Variants in MAGI3 observed in about 807,000 individuals in gnomAD.
MAGI3 encodes membrane-associated guanylate kinase, WW and PDZ domain-containing protein 3.
A neutral mutation model predicts 121.8 loss-of-function variants in MAGI3; 43 were observed. That is an observed-to-expected ratio of 0.35 (90% CI 0.28 to 0.46). The LOEUF (loss-of-function observed/expected upper bound fraction) is 0.46, where lower values mean the gene tolerates loss of function less well. Among genes scored for constraint, MAGI3 ranks in the 20% least tolerant of loss-of-function variants. The pLI, the probability that MAGI3 is intolerant of heterozygous loss-of-function variation, is 1.00. For missense variants in MAGI3, 1,547 were observed against 1,797.3 expected, an observed-to-expected ratio of 0.86 and a Z score of 2.52; for synonymous variants, 553 against 639.3, an observed-to-expected ratio of 0.86 and a Z score of 2.04.
intron 6 of MAGI3, among the ~76,000 whole-genome samples, chr1:113,603,749 T>C (rs1168536444): frequency 6.6e-6 from 1 of 151,830 alleles, no homozygotes; most frequent in South Asian, 2.1e-4. Flanking sequence ...AGGACCAATA[T>C]CCAGAATCTA....
At chr1:113,621,301 T>C (rs1650803605) in intron 8 of MAGI3, among the ~76,000 whole-genome samples, 2 of 152,122 alleles carry the variant, frequency 1.3e-5, no homozygotes, top group Admixed American at 1.3e-4. Flanking sequence ...TAGGCAGCCA[T>C]GAGAAGAGGT....
At chr1:113,511,216 A>C (rs1657599120) in intron 1 of MAGI3, among the ~76,000 whole-genome samples, 1 of 152,208 alleles carries the variant, frequency 6.6e-6, no homozygotes, top group African/African-American at 2.4e-5. Flanking sequence ...CATTCTTCCA[A>C]AGTAGGACCT....
chr1:113,416,166 A>ATG (rs1157137777), intron 1 of MAGI3, among the ~76,000 whole-genome samples: 1,265 of 82,336 alleles, frequency 0.015, 1 homozygote, highest in South Asian at 0.025. Flanking sequence ...ACATATTATT[A>ATG]TGTAATTAAT....
intron 1 of MAGI3, among the ~76,000 whole-genome samples, chr1:113,425,564 G>A (rs1652964560): frequency 6.6e-6 from 1 of 151,970 alleles, no homozygotes; most frequent in African/African-American, 2.4e-5. Context: ...GATTACAGGT[G>A]TGAGCTACTG....
At chr1:113,672,519 C>A in intron 17 of MAGI3, 96 bp from the exon 18 acceptor site, 1 of 1,374,870 alleles carries the variant, frequency 7.3e-7, no homozygotes, top group Admixed American at 2.4e-5. Context: ...GGGAAAATGG[C>A]AAGGTCGAGC....
At chr1:113,557,747 G>A (rs561980353) in intron 2 of MAGI3, among the ~76,000 whole-genome samples, 11 of 152,136 alleles carry the variant, frequency 7.2e-5, no homozygotes, top group African/African-American at 2.2e-4. Context: ...GATGCCATTC[G>A]TCCTGACTGG....
chr1:113,416,103 G>C (rs374127306), intron 1 of MAGI3, among the ~76,000 whole-genome samples: 3,431 of 103,688 alleles, frequency 0.033, 160 homozygotes, highest in East Asian at 0.3. Context: ...TGTAATTAAT[G>C]ACACATATTA....
intron 6 of MAGI3, 52 bp downstream of exon 6, chr1:113,594,612 G>T (rs908849098): frequency 1.4e-6 from 2 of 1,463,154 alleles, no homozygotes; most frequent in African/African-American, 1.4e-5. Flanking sequence ...ATCCTTTCTT[G>T]CTCTTCTTGC....
Position 113,684,081 on chromosome 1 carries a change from G to A in MAGI3, c.*67G>A. ...TTACAGCAGCATTTTTCCAGAAAAA[G>A]CCTTTTTTTTTTTTTCAGATATTCT... On this transcript the variant is annotated 3_prime_UTR_variant, in exon 21 of 21. Coordinates refer to ENST00000307546, the MANE Select transcript of MAGI3 (RefSeq NM_001142782.2). The A allele has an allele frequency of 7.4e-7, 1 of 1,353,982 alleles. No homozygotes were observed. The highest frequency in any genetic ancestry group is 1.7e-5 in the South Asian group (1 of 58,712). The allele number at this position is 1,353,982 out of a possible 1,614,324, so 83.9% of individuals were successfully genotyped here. A position where few individuals can be genotyped will look rare whatever the true frequency, so the allele number is the denominator to read the frequency against.
chr1:113,570,251 A>G (rs987755711), intron 2 of MAGI3, among the ~76,000 whole-genome samples: 20 of 152,236 alleles, frequency 1.3e-4, no homozygotes, highest in Admixed American at 5.2e-4. Flanking sequence ...ATAGTATTCC[A>G]TGGTGTCCCT....
At chr1:113,510,563 G>GT (rs1657566838) in intron 1 of MAGI3, among the ~76,000 whole-genome samples, 1 of 152,074 alleles carries the variant, frequency 6.6e-6, no homozygotes, top group African/African-American at 2.4e-5. Context: ...TCGCCCTTAA[G>GT]TTTTTCTCTA....
chr1:113,609,220 G>A (rs1030978148), intron 6 of MAGI3, among the ~76,000 whole-genome samples: 3 of 152,150 alleles, frequency 2.0e-5, no homozygotes, highest in African/African-American at 7.2e-5. Context: ...ATTCATATTA[G>A]TATTCTCTGC....
Position 113,659,156 on chromosome 1 carries a change from T to C in MAGI3, c.2706T>C (p.His902=). 1 of 1,614,126 alleles carries C rather than the reference T, an allele frequency of 6.2e-7. No homozygotes were observed. The highest frequency in any genetic ancestry group is 2.2e-5 in the East Asian group (1 of 44,886). ...DRCGKLKVGD[H]ISAVNGQSIV... ...GTGGAAAACTGAAAGTTGGAGATCA[T>C]ATCTCTGCAGTGAATGGGCAGTCCA... Residue 902 remains histidine (H), a synonymous_variant, in exon 16 of 21, where the codon CAT becomes CAC. Transcript: ENST00000307546.
intron 6 of MAGI3, among the ~76,000 whole-genome samples, chr1:113,610,979 G>T (rs910216655): frequency 1.3e-5 from 2 of 151,762 alleles, no homozygotes; most frequent in Non-Finnish European, 2.9e-5. Flanking sequence ...AGTGTCCATT[G>T]GTGGTAGACA....
intron 16 of MAGI3, among the ~76,000 whole-genome samples, chr1:113,663,841 C>T (rs892156515): frequency 6.6e-6 from 1 of 152,152 alleles, no homozygotes. Flanking sequence ...TCCATTTCCC[C>T]ATATCCTTGC....
chr1:113,505,139 G>T (rs900512244), intron 1 of MAGI3, among the ~76,000 whole-genome samples: 2 of 152,020 alleles, frequency 1.3e-5, no homozygotes, highest in African/African-American at 4.8e-5. Flanking sequence ...GGAAAAGGGA[G>T]GTAGGCCCAT....
intron 16 of MAGI3, among the ~76,000 whole-genome samples, chr1:113,668,244 C>G (rs1349871028): frequency 6.6e-6 from 1 of 152,040 alleles, no homozygotes; most frequent in African/African-American, 2.4e-5. Context: ...ATAAAAAATG[C>G]AATAAAATGA....
intron 1 of MAGI3, chr1:113,450,576 G>A (rs1309269127): frequency 5.0e-5 from 53 of 1,057,732 alleles, no homozygotes. Flanking sequence ...GGTGGTGGTG[G>A]GAACTATAAT....
At chr1:113,631,639 T>A (rs1373946023) in intron 9 of MAGI3, among the ~76,000 whole-genome samples, 1 of 152,196 alleles carries the variant, frequency 6.6e-6, no homozygotes, top group Non-Finnish European at 1.5e-5. Context: ...GGAGCAAACA[T>A]TTACCTATAA....
Sources: allele counts gnomAD v4.1 joint callset (sites outside exome capture counted in the v4.1 genomes callset), GRCh38; gene constraint gnomAD v4.1.1; transcripts MANE v1.5; gene names NCBI Gene and HGNC (gene_info 2026-07-23, HGNC 2026-07-21).